ANO7: variants seen among roughly 807,000 people sequenced by gnomAD.
ANO7 encodes anoctamin 7, also known as anoctamin-7.
Under a neutral mutation model 115.8 loss-of-function variants are expected in ANO7, and 114 were observed. The ratio of observed to expected loss-of-function variants is 0.98; its 90% CI spans 0.85 to 1.15. ANO7 has a LOEUF of 1.15. Ranked by LOEUF, ANO7 falls within the 50% of genes most tolerant of loss-of-function variation. The pLI, the probability that ANO7 is intolerant of heterozygous loss-of-function variation, is 0.00. For missense variants in ANO7, 1,302 were observed against 1,201.2 expected, an observed-to-expected ratio of 1.08 and a Z score of -1.24; for synonymous variants, 550 against 498.2, an observed-to-expected ratio of 1.10 and a Z score of -1.38.
intron 18 of ANO7, 42 bp from the exon 19 acceptor site, chr2:241,216,051 C>G (rs1291548702): frequency 6.4e-7 from 1 of 1,570,340 alleles, no homozygotes; most frequent in Non-Finnish European, 8.6e-7. Flanking sequence ...CACTGAGACC[C>G]ATGTTGGATC....
rs960626514 is a variant in ANO7 at position 241,205,479 on chromosome 2, G to A, written c.980+524G>A. Among the ~76,000 whole-genome samples the A allele has an allele frequency of 2.7e-5, 4 of 146,452 alleles. 1 individual carries two copies. Among genetic ancestry groups the A allele is most frequent in the African/African-American group, 1.0e-4 (4 of 39,184 alleles). ...ACACAGGTGGATAAGAGTGCTCCAAGGCTGACACAGGTGGACAGGAGTGCT... is the reference window on the plus strand; with the variant it reads ...ACACAGGTGGATAAGAGTGCTCCAAAGCTGACACAGGTGGACAGGAGTGCT... On this transcript the variant is annotated intron_variant, in intron 10 of 24. Coordinates refer to ENST00000674324, the MANE Select transcript of ANO7 (RefSeq NM_001370694.2).
At chr2:241,236,693 G>A in the ANO7 span, 81 of 1,614,092 alleles carry the variant, frequency 5.0e-5, no homozygotes, top group South Asian at 2.1e-4. Flanking sequence ...TTGGAGAGCC[G>A]GGGTCACAAT....
intron 3 of ANO7, among the ~76,000 whole-genome samples, chr2:241,194,389 A>T (rs2149115635): frequency 6.9e-6 from 1 of 145,942 alleles, no homozygotes; most frequent in South Asian, 2.2e-4. Flanking sequence ...ATCTCAGCTC[A>T]CTGCAAGCTC....
chr2:241,223,223 C>A lies in ANO7; in HGVS notation c.2359C>A (p.Gln787Lys). 1 of 1,614,234 alleles carries A rather than the reference C, an allele frequency of 6.2e-7. No homozygotes were observed. The highest frequency in any genetic ancestry group is 8.5e-7 in the Non-Finnish European group (1 of 1,180,048). Residue 787 changes from glutamine to lysine, a missense_variant, in exon 22 of 25, where the codon CAG (glutamine) becomes AAG (lysine). By Grantham distance (53) the Gln-to-Lys change is moderately conservative (BLOSUM62 1). Coordinates refer to ENST00000674324, the MANE Select transcript of ANO7 (RefSeq NM_001370694.2). Reference protein sequence around the residue: ...AFRDDDGHYSQTYWNLLAIRL... With the variant: ...AFRDDDGHYSKTYWNLLAIRL... The stretch of plus-strand genomic sequence containing the variant: ...CCGGGATGACGATGGACATTATTCC[C>A]AGACCTACTGGAATCTTCTTGCCAT...
chr2:241,225,977 G>A (rs2069158420), downstream of ANO7, among the ~76,000 whole-genome samples: 1 of 152,138 alleles, frequency 6.6e-6, no homozygotes. Flanking sequence ...AAACTCCAAA[G>A]TTTTAAGGTG....
chr2:241,230,226 C>T (rs2069578261), downstream of ANO7: 2 of 1,612,018 alleles, frequency 1.2e-6, no homozygotes, highest in Non-Finnish European at 1.7e-6. This position sits in a 1 kb window ranked among gnomAD's most constrained non-coding sequence, Gnocchi z 5.0. Flanking sequence ...CACAGTGACG[C>T]AGTTGGGGTC....
intron 3 of ANO7, among the ~76,000 whole-genome samples, chr2:241,195,262 G>A (rs930856703): frequency 5.9e-5 from 9 of 152,192 alleles, no homozygotes; most frequent in Admixed American, 1.3e-4. Context: ...TATCTGGAGC[G>A]CCTGAGCCCA....
chr2:241,218,265 C>T lies in ANO7; in HGVS notation c.2205C>T (p.Asp735=). The T allele has an allele frequency of 6.5e-7, 1 of 1,532,764 alleles. No homozygotes were observed. The allele number at this position is 1,532,764 out of a possible 1,614,324, so 94.9% of individuals were successfully genotyped here. A position where few individuals can be genotyped will look rare whatever the true frequency, so the allele number is the denominator to read the frequency against. The change falls in exon 21 of 25, where the codon GAC becomes GAT. Residue 735 remains aspartate, a synonymous_variant. Coordinates refer to ENST00000674324, the MANE Select transcript of ANO7 (RefSeq NM_001370694.2). The part of the protein sequence containing the change: ...SNAFLLAFSS[D]FLPRAYYRWT... ...CCTTCCTCCTGGCCTTCTCGTCCGA[C>T]TTCCTGCCGCGCGCCTACTACCGGT...
At position 241,188,738 on chromosome 2, in the gene ANO7, G is replaced by A. The variant is rs150079713; in HGVS notation, c.-36G>A. 474 of 1,613,454 alleles carry A rather than the reference G, an allele frequency of 2.9e-4. No individual in the cohort carries two copies. Among genetic ancestry groups the A allele is most frequent in the Non-Finnish European group, 3.8e-4 (447 of 1,179,880 alleles). On this transcript the variant is annotated 5_prime_UTR_variant, in exon 1 of 25. Transcript: ENST00000674324. This position sits in a 1 kb window ranked among gnomAD's most constrained non-coding sequence, Gnocchi z 4.3. ...CGCTGAGAGGTGGGCCATGACCTCC[G>A]AGACCTCTTCCGGAAGCCACTGTGC...
chr2:241,196,582 C>T (rs563376059), intron 4 of ANO7, among the ~76,000 whole-genome samples: 1 of 152,238 alleles, frequency 6.6e-6, no homozygotes, highest in Non-Finnish European at 1.5e-5. Context: ...ACCATTTTAG[C>T]GCCAATTTTA....
intron 19 of ANO7, 184 bp from the exon 20 acceptor site, chr2:241,217,502 C>T (rs2068860124): frequency 1.5e-6 from 1 of 656,632 alleles, no homozygotes; most frequent in Non-Finnish European, 2.5e-6. Context: ...CGGCCTGAGG[C>T]CGGTCAGGAG....
At chr2:241,234,788 C>T in the ANO7 span, among the ~76,000 whole-genome samples, 1 of 152,234 alleles carries the variant, frequency 6.6e-6, no homozygotes, top group Non-Finnish European at 1.5e-5. Context: ...GATGCTCGTC[C>T]TCACTGCATA....
downstream of ANO7, chr2:241,228,070 T>C (rs1164296165): frequency 6.6e-6 from 1 of 152,238 alleles, no homozygotes; most frequent in African/African-American, 2.4e-5. Flanking sequence ...ACTCAAGAAT[T>C]CGAGTCTGAA....
chr2:241,207,446 G>A, intron 10 of ANO7, 128 bp from the exon 11 acceptor site: 1 of 670,418 alleles, frequency 1.5e-6, no homozygotes, highest in Non-Finnish European at 2.6e-6. Flanking sequence ...AAGAAATGCT[G>A]GGCCTGGCAA....
chr2:241,226,177 C>G (rs1183035118), downstream of ANO7, among the ~76,000 whole-genome samples: 1 of 151,992 alleles, frequency 6.6e-6, no homozygotes, highest in African/African-American at 2.4e-5. Flanking sequence ...CCTACCCTGC[C>G]TGTGACCCTT....
chr2:241,210,571 G>C lies in ANO7; in HGVS notation c.1561+1G>C, dbSNP rs146681959. On this transcript the variant is annotated splice_donor_variant, in intron 15 of 24. Coordinates refer to ENST00000674324, the MANE Select transcript of ANO7 (RefSeq NM_001370694.2). LOFTEE classifies it high-confidence loss of function. ...CTGGCCCACGTCCTGACACGATGGGGTGAGTGGGCTGAGGCCGGCCAGGCA... is the reference window on the plus strand; with the variant it reads ...CTGGCCCACGTCCTGACACGATGGGCTGAGTGGGCTGAGGCCGGCCAGGCA... 1.2e-6 allele frequency: 2 copies of C among 1,613,152 alleles called. No individual in the cohort carries two copies. The highest frequency in any genetic ancestry group is 2.7e-5 in the African/African-American group (2 of 74,946).
intron 4 of ANO7, 199 bp from the exon 5 acceptor site, chr2:241,199,117 C>T (rs1253563013): frequency 1.6e-5 from 9 of 560,328 alleles, no homozygotes; most frequent in South Asian, 5.8e-5. Context: ...GACTCCCAAA[C>T]GGGGCTGTCG....
In ANO7 at chr2:241,211,538, T is replaced by G. The variant is rs117364918; in HGVS notation, c.1562-556T>G. Among the ~76,000 whole-genome samples the G allele has an allele frequency of 3.3e-5, 5 of 152,218 alleles. No individual in the cohort carries two copies. In the East Asian group the frequency reaches 9.7e-4, roughly 29 times the overall value. ...TACAGAGAATGGGAGAGGGCTTAAG[T>G]GCTGAGGAGGAAGTGCCTCCTGGTG... On this transcript the variant is annotated intron_variant, in intron 15 of 24. Coordinates refer to ENST00000674324, the MANE Select transcript of ANO7 (RefSeq NM_001370694.2).
chr2:241,235,625 G>T, the ANO7 span: 1 of 1,502,700 alleles, frequency 6.7e-7, no homozygotes, highest in Non-Finnish European at 9.3e-7. Flanking sequence ...GTTAGGCCGT[G>T]GGAGCTGAGA....
Sources: gnomAD v4.1 joint callset for allele counts (sites outside exome capture counted in the v4.1 genomes callset) on GRCh38, gnomAD v4.1.1 for gene constraint, Gnocchi (gnomAD v3.1) non-coding constraint, MANE v1.5 for transcripts, NCBI Gene and HGNC (gene_info 2026-07-23, HGNC 2026-07-21) for gene names.